Variants in ARHGEF4 observed in about 807,000 individuals in gnomAD.
ARHGEF4 encodes the protein APC-stimulated guanine nucleotide exchange factor 1.
ARHGEF4 carries 119 observed loss-of-function variants against 162.0 expected under a neutral mutation model. The observed-to-expected ratio is 0.73, with a 90% CI of 0.63 to 0.86. The LOEUF (loss-of-function observed/expected upper bound fraction) is 0.86. Ranked by LOEUF, ARHGEF4 falls within the 40% of genes least tolerant of loss-of-function variation. The pLI, the probability that ARHGEF4 is intolerant of heterozygous loss-of-function variation, is 0.00. For synonymous variants in ARHGEF4, 1,014 were observed against 979.9 expected, an observed-to-expected ratio of 1.03 and a Z score of -0.65; for missense variants, 2,488 against 2,456.0, an observed-to-expected ratio of 1.01 and a Z score of -0.28.
In ARHGEF4 at chr2:130,916,858, G is replaced by A. The variant is rs1559038451; in HGVS notation, c.2912G>A (p.Ser971Asn). Residue 971 changes from serine (S) to asparagine (N), a missense_variant, in exon 2 of 14, where the codon AGT (serine) becomes AAT (asparagine). By Grantham distance (46) the Ser-to-Asn change is conservative. Transcript: ENST00000409359. ...AGCCCCAAAAAGCCCACCCTAGTGA[G>A]TCTGCCTCTAGGACCCGAAGTTCTC... ...AGSPKKPTLV[S>N]LPLGPEVLSP... 56 of 1,550,286 alleles carry A rather than the reference G, an allele frequency of 3.6e-5. 1 individual carries two copies. In the East Asian group the frequency reaches 1.3e-3, roughly 37 times the overall value.
intron 1 of ARHGEF4, among the ~76,000 whole-genome samples, chr2:130,868,239 T>C (rs1168295761): frequency 6.6e-6 from 1 of 152,092 alleles, no homozygotes; most frequent in Non-Finnish European, 1.5e-5. Flanking sequence ...GTGGATGTGC[T>C]TTTACTGCAT....
chr2:130,937,888 C>T (rs1574264045), intron 3 of ARHGEF4, among the ~76,000 whole-genome samples: 1 of 152,004 alleles, frequency 6.6e-6, no homozygotes, highest in Non-Finnish European at 1.5e-5. Context: ...AGGATGGTCT[C>T]GATCTCCTGA....
At chr2:130,903,247 C>CTTTTTTTTTTTTTT (rs59665239) in intron 1 of ARHGEF4, among the ~76,000 whole-genome samples, 1 of 143,740 alleles carries the variant, frequency 7.0e-6, no homozygotes. Flanking sequence ...TTTATCTTGA[C>CTTTTTTTTTTTTTT]TTTTTTTTTT....
chr2:130,946,461 G>A (rs777273094), intron 3 of ARHGEF4, 48 bp from the exon 4 acceptor site: 3 of 1,572,198 alleles, frequency 1.9e-6, no homozygotes, highest in Non-Finnish European at 2.6e-6. Flanking sequence ...ATGACAGCCT[G>A]TCATTTCTTT....
At chr2:130,926,810 A>ATTTTTTTTTTTTTTTTTTTTT (rs55904944) in intron 2 of ARHGEF4, among the ~76,000 whole-genome samples, 1 of 48,948 alleles carries the variant, frequency 2.0e-5, no homozygotes, top group African/African-American at 6.9e-5. Flanking sequence ...CTTCTGGCTG[A>ATTTTTTTTTTTTTTTTTTTTT]TTTTTTTTTT....
intron 12 of ARHGEF4, among the ~76,000 whole-genome samples, chr2:131,045,096 ATGGAG>A (rs1691130755): frequency 6.6e-6 from 1 of 152,144 alleles, no homozygotes; most frequent in African/African-American, 2.4e-5. Flanking sequence ...GACACTAGAC[ATGGAG>A]TGAAGGTGAG....
chr2:130,856,925 T>A (rs919016141), intron 1 of ARHGEF4, among the ~76,000 whole-genome samples: 2 of 152,042 alleles, frequency 1.3e-5, no homozygotes, highest in Non-Finnish European at 2.9e-5. Flanking sequence ...GAATGGGAAA[T>A]TTAAAAGTTA....
intron 2 of ARHGEF4, among the ~76,000 whole-genome samples, chr2:130,930,631 C>G (rs1348838788): frequency 1.3e-5 from 2 of 152,080 alleles, no homozygotes; most frequent in East Asian, 1.9e-4. Context: ...AGTTGCTGGC[C>G]TTTAAAAAGT....
chr2:130,896,915 G>A (rs1379013461), intron 1 of ARHGEF4, among the ~76,000 whole-genome samples: 1 of 152,130 alleles, frequency 6.6e-6, no homozygotes, highest in African/African-American at 2.4e-5. Flanking sequence ...TCATCATCCA[G>A]GGGTGAGGAT....
chr2:130,943,520 G>C (rs959887238), intron 3 of ARHGEF4, among the ~76,000 whole-genome samples: 3 of 151,918 alleles, frequency 2.0e-5, no homozygotes, highest in African/African-American at 7.2e-5. Context: ...GCATTGCTCT[G>C]TTTCCTTTTG....
chr2:130,887,362 T>C (rs993393660), intron 1 of ARHGEF4, among the ~76,000 whole-genome samples: 1 of 152,046 alleles, frequency 6.6e-6, no homozygotes, highest in Non-Finnish European at 1.5e-5. Flanking sequence ...GCTGGAATTT[T>C]GATTATACCA....
intron 1 of ARHGEF4, among the ~76,000 whole-genome samples, chr2:130,839,293 G>T (rs991571531): frequency 6.6e-6 from 1 of 152,188 alleles, no homozygotes; most frequent in Admixed American, 6.5e-5. Context: ...GTGCCTCCTG[G>T]TGTCCCCAGG....
chr2:130,933,369 G>A (rs1682755551), intron 3 of ARHGEF4, among the ~76,000 whole-genome samples: 1 of 152,168 alleles, frequency 6.6e-6, no homozygotes, highest in African/African-American at 2.4e-5. Context: ...GAATGTGAGA[G>A]TCTTCTTTGT....
chr2:131,019,343 C>T (rs950698400), intron 4 of ARHGEF4, among the ~76,000 whole-genome samples: 1 of 151,518 alleles, frequency 6.6e-6, no homozygotes, highest in African/African-American at 2.4e-5. Flanking sequence ...ACCCGGGAGG[C>T]GGAGGTTGCC....
intron 1 of ARHGEF4, among the ~76,000 whole-genome samples, chr2:130,870,650 G>A (rs1678410625): frequency 1.3e-5 from 2 of 151,992 alleles, no homozygotes; most frequent in Non-Finnish European, 1.5e-5. Flanking sequence ...GGAAACCAAG[G>A]TCTTCCATCC....
In ARHGEF4 at chr2:131,040,293, C is replaced by T. The variant is rs746393820; in HGVS notation, c.4515C>T (p.Asp1505=). ...GYVRQCRKRA[D]MFSEEQLRTI... ...TCCGGCAGTGCCGCAAGCGCGCAGA[C>T]ATGTTCAGCGAGGAGCAGCTGCGTA... Residue 1505 remains aspartate (D), a synonymous_variant, in exon 8 of 14, where the codon GAC becomes GAT. Transcript: ENST00000409359. The T allele has an allele frequency of 8.1e-6, 13 of 1,613,062 alleles. No homozygotes were observed. Among genetic ancestry groups the T allele is most frequent in the Non-Finnish European group, 1.1e-5 (13 of 1,179,812 alleles).
rs1380498145 is a variant in ARHGEF4 at position 130,855,767 on chromosome 2, AT to A, written c.39+18776del. 5.3e-5 allele frequency among the ~76,000 whole-genome samples: 8 copies of A among 152,340 alleles called. No homozygotes were observed. In the East Asian group the frequency reaches 1.5e-3, roughly 29 times the overall value. ...TTCTATGAAATGTGCAGTTTGAATAATCTAAGCCGGCTAAGTCGTTATTGCT... is the reference window on the plus strand; with the variant it reads ...TTCTATGAAATGTGCAGTTTGAATAACTAAGCCGGCTAAGTCGTTATTGCT... On this transcript the variant is annotated intron_variant, in intron 1 of 13. Transcript: ENST00000409359.
rs147614246 is a variant in ARHGEF4, at chr2:130,993,563, T to C, written c.3986-34382T>C. Among the ~76,000 whole-genome samples the C allele has an allele frequency of 4.5e-3, 688 of 152,246 alleles. 5 individuals are homozygous for C. Among genetic ancestry groups the C allele is most frequent in the African/African-American group, 0.015 (643 of 41,554 alleles). ...AATCTTTCAGTAGGATTTTTATTTT[T>C]TTCTATTTGCTTTATGTATTTAGAG... On this transcript the variant is annotated intron_variant, in intron 4 of 13. Transcript: ENST00000409359.
chr2:131,012,308 G>A (rs895117388), intron 4 of ARHGEF4, among the ~76,000 whole-genome samples: 4 of 152,110 alleles, frequency 2.6e-5, no homozygotes. Context: ...CTCAGCAGAG[G>A]GGCCTAGGAG....
Sources: allele counts gnomAD v4.1 joint callset (sites outside exome capture counted in the v4.1 genomes callset), GRCh38; gene constraint gnomAD v4.1.1; transcripts MANE v1.5; gene names NCBI Gene and HGNC (gene_info 2026-07-23, HGNC 2026-07-21).